The following MTFMT variants were observed in gnomAD, a reference collection of about 807,000 sequenced individuals.
The protein encoded by MTFMT is mitochondrial methionyl-tRNA formyltransferase, also known as methionyl-tRNA formyltransferase, mitochondrial.
MTFMT carries 47 observed loss-of-function variants against 51.8 expected under a neutral mutation model. That is an observed-to-expected ratio of 0.91 (90% CI 0.72 to 1.16). The LOEUF (loss-of-function observed/expected upper bound fraction) is 1.16, where lower values mean the gene tolerates loss of function less well. MTFMT is among the 50% of genes most tolerant of loss of function. The probability of loss-of-function intolerance (pLI) is 0.00; values close to 1 mark genes in which losing one functional copy is unlikely to be tolerated. For synonymous variants in MTFMT, 196 were observed against 176.7 expected (o/e 1.11, Z -0.87); for missense variants, 512 against 482.3 (o/e 1.06, Z -0.58).
intron 6 of MTFMT, among the ~76,000 whole-genome samples, chr15:65,014,076 G>T (rs2086294669): frequency 6.6e-6 from 1 of 152,066 alleles, no homozygotes; most frequent in South Asian, 2.1e-4. Flanking sequence ...TATATTCAGG[G>T]ATATCAGTCT....
intron 8 of MTFMT, among the ~76,000 whole-genome samples, chr15:65,003,845 C>CAAAAAAAAAAAAAA (rs768884218): frequency 0.047 from 1,893 of 40,534 alleles, 272 homozygotes; most frequent in Non-Finnish European, 0.068. Context: ...AACTCCATCT[C>CAAAAAAAAAAAAAA]AAAAAAAAAA....
intron 1 of MTFMT, 30 bp from the exon 2 acceptor site, chr15:65,027,070 GTGT>G: frequency 4.5e-6 from 7 of 1,549,824 alleles, no homozygotes; most frequent in Non-Finnish European, 6.2e-6. Context: ...AAATGTGACA[GTGT>G]TAAGGCAATG....
At chr15:65,021,858 G>A (rs2086376561) in intron 3 of MTFMT, among the ~76,000 whole-genome samples, 2 of 152,136 alleles carry the variant, frequency 1.3e-5, no homozygotes, top group Non-Finnish European at 2.9e-5. Flanking sequence ...CTATTAATTT[G>A]GCTGTTAGAC....
chr15:65,004,518 A>G (rs1259859394), intron 8 of MTFMT, among the ~76,000 whole-genome samples: 1 of 152,226 alleles, frequency 6.6e-6, no homozygotes, highest in Non-Finnish European at 1.5e-5. Context: ...TGTGTCCTGT[A>G]GTAGTTCAGT....
chr15:65,006,318 T>C (rs1353932629), intron 6 of MTFMT, 127 bp from the exon 7 acceptor site: 6 of 668,290 alleles, frequency 9.0e-6, no homozygotes, highest in Admixed American at 2.1e-5. Flanking sequence ...AGTCACTAAG[T>C]TTGATGGAAC....
chr15:65,025,434 A>AATAC (rs899166099), intron 2 of MTFMT, among the ~76,000 whole-genome samples: 9 of 151,942 alleles, frequency 5.9e-5, no homozygotes, highest in African/African-American at 1.7e-4. Flanking sequence ...TAAATAAATA[A>AATAC]ATACATTTTG....
At chr15:65,025,250 A>AAG (rs1555404057) in intron 2 of MTFMT, among the ~76,000 whole-genome samples, 103 of 151,190 alleles carry the variant, frequency 6.8e-4, no homozygotes, top group African/African-American at 2.4e-3. Context: ...AAAAAAAAAA[A>AAG]AAGAGTTAGC....
intron 6 of MTFMT, among the ~76,000 whole-genome samples, chr15:65,012,628 G>A (rs1324729983): frequency 1.3e-5 from 2 of 152,094 alleles, no homozygotes; most frequent in East Asian, 3.8e-4. Context: ...TCAAACTCCT[G>A]ACCTCAAGTG....
intron 6 of MTFMT, among the ~76,000 whole-genome samples, chr15:65,006,655 C>T (rs774398468): frequency 2.6e-5 from 4 of 152,048 alleles, no homozygotes; most frequent in East Asian, 1.9e-4. Flanking sequence ...GGATTACAGG[C>T]GTGAGCCACC....
At chr15:65,007,251 G>T (rs1371716826) in intron 6 of MTFMT, among the ~76,000 whole-genome samples, 3 of 152,124 alleles carry the variant, frequency 2.0e-5, no homozygotes, top group African/African-American at 7.2e-5. Flanking sequence ...CTTTCAATGT[G>T]TCCACGTGCC....
rs1211163940 is a variant in MTFMT at position 65,029,542 on chromosome 15, G to A, written c.72C>T (p.Pro24=). The change falls in exon 1 of 9, where the codon CCC becomes CCT. Residue 24 remains proline (P), a synonymous_variant. Transcript: ENST00000220058. ...AHGARRGRPS[P]QWRALARLGW... ...CGAGTCGGGCCAGTGCTCGCCACTG[G>A]GGACTCGGCCTCCCACGCCTGGCGC... The A allele has an allele frequency of 6.6e-7, 1 of 1,514,040 alleles. No individual in the cohort carries two copies. The highest frequency in any genetic ancestry group is 8.8e-7 in the Non-Finnish European group (1 of 1,131,932). 93.8% of individuals were successfully genotyped at this position (1,514,040 alleles called of 1,614,324 possible). A position where few individuals can be genotyped will look rare whatever the true frequency, so the allele number is the denominator to read the frequency against.
chr15:65,009,692 A>T (rs983531115), intron 6 of MTFMT, among the ~76,000 whole-genome samples: 5 of 286 alleles, frequency 0.017, no homozygotes, highest in African/African-American at 0.083. Flanking sequence ...TTGCTCTGTC[A>T]TCCAGGCTGG....
chr15:65,029,607 C>T lies in MTFMT; in HGVS notation c.7G>A (p.Val3Met), dbSNP rs1035884059. Residue 3 changes from valine (V) to methionine (M), a missense_variant, in exon 1 of 9, where the codon GTG (valine) becomes ATG (methionine). By Grantham distance (21) the Val-to-Met change is conservative. Transcript: ENST00000220058. ...GGACCCCAACAGCGCCGCACCAACA[C>T]CCTCATCGCCTCGGCCGCCGGCGGC... The part of the protein sequence containing the change: MR[V>M]LVRRCWGPPL... 9.2e-6 allele frequency: 13 copies of T among 1,406,238 alleles called. No individual in the cohort carries two copies. The African/African-American group carries it at 1.8e-4, about 19-fold the overall frequency. The allele number at this position is 1,406,238 out of a possible 1,614,324, so 87.1% of individuals were successfully genotyped here.
At chr15:65,028,264 T>C (rs891666611) in intron 1 of MTFMT, among the ~76,000 whole-genome samples, 1 of 151,948 alleles carries the variant, frequency 6.6e-6, no homozygotes, top group Admixed American at 6.6e-5. Context: ...TACAAAAAAT[T>C]TAAAAATCAG....
chr15:65,022,215 C>T (rs980757042), intron 3 of MTFMT, among the ~76,000 whole-genome samples: 1 of 152,160 alleles, frequency 6.6e-6, no homozygotes, highest in African/African-American at 2.4e-5. Flanking sequence ...GTAATCACAG[C>T]ACTTTGGGAG....
chr15:65,012,317 AATAAT>A (rs1175633960), intron 6 of MTFMT, among the ~76,000 whole-genome samples: 2 of 151,480 alleles, frequency 1.3e-5, no homozygotes, highest in Admixed American at 1.3e-4. Flanking sequence ...TAATAATAAT[AATAAT>A]AAAAAGAACT....
rs553048075 is a variant in MTFMT at position 65,013,438 on chromosome 15, T to A, written c.813+2998A>T. Among the ~76,000 whole-genome samples, 4 of 152,280 alleles carry A rather than the reference T, an allele frequency of 2.6e-5. No individual in the cohort carries two copies. The East Asian group carries it at 7.7e-4, about 29-fold the overall frequency. ...CTTCTTTCATTAAGTATGATGTTAG[T>A]TACAGGGTCTTCATAGATGTCCTTT... On this transcript the variant is annotated intron_variant, in intron 6 of 8. Transcript: ENST00000220058.
chr15:65,018,282 G>A (rs1208609970), intron 5 of MTFMT, among the ~76,000 whole-genome samples: 2 of 151,770 alleles, frequency 1.3e-5, no homozygotes, highest in Non-Finnish European at 2.9e-5. Flanking sequence ...ATATCCTTAG[G>A]ATATATTCTA....
chr15:65,029,239 G>A, intron 1 of MTFMT, 166 bp downstream of exon 1: 26 of 983,234 alleles, frequency 2.6e-5, no homozygotes, highest in Non-Finnish European at 3.1e-5. Context: ...GCTGACCGGC[G>A]GGAATGGCGC....
Sources: gnomAD v4.1 joint callset for allele counts (sites outside exome capture counted in the v4.1 genomes callset) on GRCh38, gnomAD v4.1.1 for gene constraint, MANE v1.5 for transcripts, NCBI Gene and HGNC (gene_info 2026-07-23, HGNC 2026-07-21) for gene names.